Variants in TTC6 observed in about 807,000 individuals in gnomAD.
The protein encoded by TTC6 is tetratricopeptide repeat protein 6.
A neutral mutation model predicts 210.4 loss-of-function variants in TTC6; 172 were observed. The ratio of observed to expected loss-of-function variants is 0.82; its 90% CI spans 0.72 to 0.93. The LOEUF (loss-of-function observed/expected upper bound fraction) is 0.93. Ranked by LOEUF, TTC6 falls within the 40% of genes least tolerant of loss-of-function variation. TTC6 has a pLI of 0.00. For synonymous variants in TTC6, 804 were observed against 819.6 expected, an observed-to-expected ratio of 0.98 and a Z score of 0.32; for missense variants, 2,414 against 2,318.1, an observed-to-expected ratio of 1.04 and a Z score of -0.85.
chr14:37,619,704 C>T (rs911667294), upstream of TTC6, among the ~76,000 whole-genome samples: 1 of 151,888 alleles, frequency 6.6e-6, no homozygotes, highest in Non-Finnish European at 1.5e-5. Flanking sequence ...AGCAGTTTTT[C>T]AGTTCTAATT....
At chr14:37,817,439 T>C (rs2096144682) in intron 25 of TTC6, 139 bp from the exon 28 acceptor site, 1 of 681,300 alleles carries the variant, frequency 1.5e-6, no homozygotes, top group Non-Finnish European at 2.5e-6. Flanking sequence ...GATGTGTATT[T>C]TAATGCTTGT....
At chr14:37,816,780 A>T (rs1189003607) in intron 25 of TTC6, among the ~76,000 whole-genome samples, 1 of 152,184 alleles carries the variant, frequency 6.6e-6, no homozygotes, top group Non-Finnish European at 1.5e-5. Flanking sequence ...CTTAATTTAA[A>T]TGTAGCGATG....
intron 1 of TTC6, among the ~76,000 whole-genome samples, chr14:37,642,913 G>A (rs1335266066): frequency 6.6e-6 from 1 of 152,178 alleles, no homozygotes; most frequent in African/African-American, 2.4e-5. Flanking sequence ...ACATAGAAAA[G>A]ATAGAGTAAA....
intron 14 of TTC6, among the ~76,000 whole-genome samples, chr14:37,757,757 G>C (rs146795480): frequency 6.6e-6 from 1 of 152,084 alleles, no homozygotes; most frequent in East Asian, 1.9e-4. Flanking sequence ...TGCTTCTCCA[G>C]TTCTTTTAAT....
chr14:37,734,863 G>C (rs1316051247), intron 7 of TTC6, among the ~76,000 whole-genome samples: 1 of 152,016 alleles, frequency 6.6e-6, no homozygotes, highest in African/African-American at 2.4e-5. Flanking sequence ...CCACAGTTTT[G>C]ATATCTATGA....
At chr14:37,681,816 G>T (rs540347773) in intron 2 of TTC6, among the ~76,000 whole-genome samples, 3 of 152,196 alleles carry the variant, frequency 2.0e-5, no homozygotes, top group Admixed American at 2.0e-4. Context: ...TCCTCAGCTT[G>T]CAGAGGACAC....
In TTC6 at chr14:37,711,563, G is replaced by A. The variant is rs1315995931; in HGVS notation, c.1572-3092G>A. ...CTCCTGGAGTAATCCCAGCACATAA[G>A]GCATTTTTTTTGCATTGCAAATGTA... On this transcript the variant is annotated intron_variant, in intron 5 of 30. Coordinates refer to ENST00000553443, the Ensembl canonical transcript of TTC6. Among the ~76,000 whole-genome samples, 7 of 152,186 alleles carry A rather than the reference G, an allele frequency of 4.6e-5. No individual in the cohort carries two copies. In the East Asian group the frequency reaches 1.4e-3, roughly 29 times the overall value.
chr14:37,770,821 T>G (rs1208615468), intron 14 of TTC6, among the ~76,000 whole-genome samples: 1 of 150,288 alleles, frequency 6.7e-6, no homozygotes, highest in Non-Finnish European at 1.5e-5. Flanking sequence ...TTAATATTGT[T>G]ATGTGTGAAT....
At chr14:37,688,781 C>G (rs1341657515) in intron 3 of TTC6, among the ~76,000 whole-genome samples, 4 of 152,164 alleles carry the variant, frequency 2.6e-5, no homozygotes, top group Non-Finnish European at 5.9e-5. Context: ...AAAGCAGATA[C>G]AGCTGAGATC....
chr14:37,752,061 G>A (rs1187707120), intron 13 of TTC6, among the ~76,000 whole-genome samples: 5 of 151,902 alleles, frequency 3.3e-5, no homozygotes, highest in Non-Finnish European at 5.9e-5. Context: ...TCCTGACCTC[G>A]TGATCCGCCC....
intron 7 of TTC6, among the ~76,000 whole-genome samples, chr14:37,727,547 C>A (rs1401000091): frequency 1.0e-3 from 1 of 974 alleles, no homozygotes; most frequent in Admixed American, 0.033. Flanking sequence ...CCCGCCTTGG[C>A]CTCCCAAAGT....
intron 28 of TTC6, 53 bp from the exon 31 acceptor site, chr14:37,827,143 T>A (rs2096173678): frequency 7.0e-7 from 1 of 1,435,728 alleles, no homozygotes; most frequent in Admixed American, 2.1e-5. Flanking sequence ...AGACATGACA[T>A]CAGAGGTAAA....
rs116577230 is a variant in TTC6, at chr14:37,672,530, G to T, written c.940-7621G>T. Among the ~76,000 whole-genome samples, 288 of 152,274 alleles carry T rather than the reference G, an allele frequency of 1.9e-3. 2 individuals carry two copies. Among genetic ancestry groups the T allele is most frequent in the African/African-American group, 6.8e-3 (283 of 41,576 alleles). ...GAGTGCTGTGGCAACAGTGCTGCTT[G>T]CATAGCTTGTCATAACTCACTCAAC... On this transcript the variant is annotated intron_variant, in intron 1 of 30. Transcript: ENST00000553443.
intron 1 of TTC6, among the ~76,000 whole-genome samples, chr14:37,660,508 T>C (rs1595073107): frequency 6.6e-6 from 1 of 151,906 alleles, no homozygotes; most frequent in South Asian, 2.1e-4. Flanking sequence ...ACTGCGTTAG[T>C]TTGCTGAGGA....
chr14:37,713,657 G>T (rs2095848118), intron 5 of TTC6, among the ~76,000 whole-genome samples: 1 of 152,150 alleles, frequency 6.6e-6, no homozygotes, highest in Non-Finnish European at 1.5e-5. Flanking sequence ...ACCTCTCTTT[G>T]AATTCAGGTA....
At chr14:37,611,301 C>CGG in intron 2 of TTC6, 1 of 152,354 alleles carries the variant, frequency 6.6e-6, no homozygotes, top group African/African-American at 2.4e-5. Context: ...TGGACACTCG[C>CGG]CGAGCGGCGG....
chr14:37,697,360 A>G (rs2095816856), intron 4 of TTC6, among the ~76,000 whole-genome samples: 2 of 152,118 alleles, frequency 1.3e-5, no homozygotes, highest in South Asian at 4.1e-4. Flanking sequence ...TTTAAATAAT[A>G]GTGTGGAAAT....
At chr14:37,758,736 A>G (rs918018435) in intron 14 of TTC6, among the ~76,000 whole-genome samples, 2 of 152,120 alleles carry the variant, frequency 1.3e-5, no homozygotes, top group Non-Finnish European at 2.9e-5. Context: ...TCATGATGCT[A>G]GCTGGTTATT....
chr14:37,636,615 A>G (rs1240899070), intron 1 of TTC6, among the ~76,000 whole-genome samples: 1 of 152,198 alleles, frequency 6.6e-6, no homozygotes, highest in Admixed American at 6.5e-5. Context: ...CGTAGTAATG[A>G]TGAGGGGAAA....
Sources: allele counts gnomAD v4.1 joint callset (sites outside exome capture counted in the v4.1 genomes callset), GRCh38; gene constraint gnomAD v4.1.1; transcripts MANE v1.5; gene names NCBI Gene and HGNC (gene_info 2026-07-23, HGNC 2026-07-21).